The following PKHD1L1 variants were observed in gnomAD, a reference collection of about 807,000 sequenced individuals.
PKHD1L1 encodes fibrocystin-L.
PKHD1L1 carries 434 observed loss-of-function variants against 462.9 expected under a neutral mutation model. The ratio of observed to expected loss-of-function variants is 0.94; its 90% CI spans 0.87 to 1.02. The LOEUF (loss-of-function observed/expected upper bound fraction) is 1.02. Among genes scored for constraint, PKHD1L1 ranks in the 50% least tolerant of loss-of-function variants. The probability of loss-of-function intolerance (pLI) is 0.00; values close to 1 mark genes in which losing one functional copy is unlikely to be tolerated. For missense variants in PKHD1L1, 5,202 were observed against 5,096.1 expected, an observed-to-expected ratio of 1.02 and a Z score of -0.63; for synonymous variants, 1,781 against 1,750.0, an observed-to-expected ratio of 1.02 and a Z score of -0.44.
chr8:109,377,282 C>G (rs1276246306), intron 2 of PKHD1L1, among the ~76,000 whole-genome samples: 1 of 152,102 alleles, frequency 6.6e-6, no homozygotes, highest in African/African-American at 2.4e-5. Context: ...TATTATAGCA[C>G]TATTTGTCAC....
At chr8:109,510,661 G>A in intron 70 of PKHD1L1, 116 bp from the exon 71 acceptor site, 1 of 1,307,846 alleles carries the variant, frequency 7.6e-7, no homozygotes, top group South Asian at 1.5e-5. Flanking sequence ...TATAAATGCT[G>A]AACTTGCATT....
intron 49 of PKHD1L1, among the ~76,000 whole-genome samples, 168 bp downstream of exon 49, chr8:109,465,413 C>T (rs909971815): frequency 3.3e-5 from 5 of 152,154 alleles, no homozygotes; most frequent in Admixed American, 3.3e-4. Flanking sequence ...ATGAGACATT[C>T]GTTTCTGGAA....
intron 24 of PKHD1L1, among the ~76,000 whole-genome samples, chr8:109,425,835 T>G (rs995289095): frequency 1.3e-5 from 2 of 152,136 alleles, no homozygotes; most frequent in Non-Finnish European, 2.9e-5. Context: ...AAAATGTGAC[T>G]AGTGCCACAT....
At chr8:109,462,687 G>A (rs1420695016) in intron 48 of PKHD1L1, among the ~76,000 whole-genome samples, 4 of 152,066 alleles carry the variant, frequency 2.6e-5, no homozygotes, top group Non-Finnish European at 5.9e-5. Context: ...GACTACAGAT[G>A]CATGCCACCA....
chr8:109,501,644 AAAG>A, intron 67 of PKHD1L1, among the ~76,000 whole-genome samples: 1 of 152,166 alleles, frequency 6.6e-6, no homozygotes, highest in Middle Eastern at 3.2e-3. Flanking sequence ...CTAACATTGG[AAAG>A]AAGGTGTCCA....
chr8:109,454,073 T>G, intron 43 of PKHD1L1, 94 bp from the exon 44 acceptor site: 2 of 683,736 alleles, frequency 2.9e-6, no homozygotes, highest in Non-Finnish European at 4.7e-6. Flanking sequence ...AATGTATAAT[T>G]TAATAATTAT....
intron 2 of PKHD1L1, among the ~76,000 whole-genome samples, chr8:109,374,200 A>G (rs1196547474): frequency 6.6e-6 from 1 of 152,180 alleles, no homozygotes; most frequent in East Asian, 1.9e-4. Flanking sequence ...CTGGGCGCAT[A>G]TATATTTAGG....
chr8:109,375,890 G>A (rs909743103), intron 2 of PKHD1L1, among the ~76,000 whole-genome samples: 12 of 152,192 alleles, frequency 7.9e-5, no homozygotes, highest in Non-Finnish European at 1.3e-4. Flanking sequence ...ACCCAGCCAT[G>A]TGAGGTGTCA....
chr8:109,369,978 C>T (rs570335112), intron 2 of PKHD1L1, among the ~76,000 whole-genome samples: 2 of 152,264 alleles, frequency 1.3e-5, no homozygotes, highest in East Asian at 3.9e-4. Flanking sequence ...ATTAAAATCT[C>T]TACCCTTTAT....
intron 73 of PKHD1L1, among the ~76,000 whole-genome samples, chr8:109,518,890 G>C (rs1324229041): frequency 6.6e-6 from 1 of 152,084 alleles, no homozygotes; most frequent in Admixed American, 6.6e-5. Context: ...TGAGAGTTTG[G>C]TGCATTTGAA....
At chr8:109,421,297 T>C (rs1814450272) in intron 23 of PKHD1L1, among the ~76,000 whole-genome samples, 1 of 152,066 alleles carries the variant, frequency 6.6e-6, no homozygotes, top group African/African-American at 2.4e-5. Context: ...TCATTAACCA[T>C]TGTAATTGGA....
In PKHD1L1 at chr8:109,445,298, A is replaced by G. The variant is rs184392221; in HGVS notation, c.5429A>G (p.His1810Arg). 5.6e-6 allele frequency: 9 copies of G among 1,614,002 alleles called. No homozygotes were observed. In the African/African-American group the frequency reaches 1.1e-4, roughly 19 times the overall value. Residue 1810 changes from histidine (H) to arginine (R), a missense_variant, in exon 38 of 78, where the codon CAT becomes CGT. Physicochemically the swap from His to Arg is conservative, Grantham distance 29. Transcript: ENST00000378402. ...GTGACTCCTCTCCCAGTTGGACATC[A>G]TTCTGTTAGTGTTGTGGTGGGAAGT... is the stretch of plus-strand genomic sequence containing the variant. ...ALVTPLPVGH[H>R]SVSVVVGSKG...
At chr8:109,431,021 G>T (rs1815068575) in intron 27 of PKHD1L1, among the ~76,000 whole-genome samples, 1 of 148,582 alleles carries the variant, frequency 6.7e-6, no homozygotes, top group Non-Finnish European at 1.5e-5. Context: ...AGGCTGGAGT[G>T]CAGTAGTGCG....
chr8:109,507,616 T>C (rs752928388), intron 68 of PKHD1L1, 47 bp from the exon 69 acceptor site: 5 of 1,491,436 alleles, frequency 3.4e-6, no homozygotes, highest in Non-Finnish European at 4.7e-6. Context: ...TGTATTCATA[T>C]TGCTCTCTAG....
Position 109,533,565 on chromosome 8 carries a change from T to C in PKHD1L1, c.*3475T>C, listed in dbSNP as rs769503710. On this transcript the variant is annotated 3_prime_UTR_variant, in exon 78 of 78. Transcript: ENST00000378402. ...GTGAGACTGATCAATTTCTGTGCAG[T>C]GGGTTACAAAAACAGACATTATCTC... is the stretch of plus-strand genomic sequence containing the variant. 2.0e-5 allele frequency among the ~76,000 whole-genome samples: 3 copies of C among 152,184 alleles called. No individual in the cohort carries two copies. The highest frequency in any genetic ancestry group is 4.4e-5 in the Non-Finnish European group (3 of 68,028).
In PKHD1L1 at chr8:109,507,617, T is replaced by C. The variant is rs758698225; in HGVS notation, c.10995-46T>C. On this transcript the variant is annotated intron_variant, in intron 68 of 77. Coordinates refer to ENST00000378402, the MANE Select transcript of PKHD1L1 (RefSeq NM_177531.6). The stretch of plus-strand genomic sequence containing the variant: ...AGTAAATATTCAAGTGTATTCATAT[T>C]GCTCTCTAGAAACAATGAACTGAAT... The C allele has an allele frequency of 5.4e-6, 8 of 1,491,808 alleles. No individual in the cohort carries two copies. In the East Asian group the frequency reaches 1.8e-4, roughly 34 times the overall value. 92.4% of individuals were successfully genotyped at this position (1,491,808 alleles called of 1,614,324 possible). A position where few individuals can be genotyped will look rare whatever the true frequency, so the allele number is the denominator to read the frequency against.
In PKHD1L1 at chr8:109,445,489, T is replaced by C; in HGVS notation, c.5620T>C (p.Ser1874Pro). 1 of 1,613,778 alleles carries C rather than the reference T, an allele frequency of 6.2e-7. No individual in the cohort carries two copies. Among genetic ancestry groups the C allele is most frequent in the Non-Finnish European group, 8.5e-7 (1 of 1,179,812 alleles). ...TIGDEPCQII[S>P]INPNEVYCRT... ...TGGGGATGAACCTTGTCAAATTATT[T>C]CCATCAACCCCAATGAAGTCTACTG... The change falls in exon 38 of 78, where the codon TCC (serine) becomes CCC (proline). Residue 1874 changes from serine (S) to proline (P), a missense_variant. Ser to Pro is a moderately conservative substitution (Grantham distance 74, BLOSUM62 -1). This residue lies in a region of PKHD1L1 where 4,497 missense variants were observed against 4,336.8 expected (regional missense o/e 1.04). Transcript: ENST00000378402.
chr8:109,495,201 CCTTGATATATGCT>C lies in PKHD1L1; in HGVS notation c.10327+1455_10327+1467del, dbSNP rs543142952. Among the ~76,000 whole-genome samples the C allele has an allele frequency of 1.4e-4, 22 of 151,980 alleles. No homozygotes were observed. The South Asian group carries it at 4.6e-3, about 32-fold the overall frequency. ...ACTTTGTCAACATATTTAAGTGATT[CCTTGATATATGCT>C]CTTGTTAAATATTTTAGTTCCCAAC... is the stretch of plus-strand genomic sequence containing the variant. On this transcript the variant is annotated intron_variant, in intron 63 of 77. Transcript: ENST00000378402.
In PKHD1L1 at chr8:109,496,910, C is replaced by G; in HGVS notation, c.10328-9C>G. On this transcript the variant is annotated splice_polypyrimidine_tract_variant and intron_variant, in intron 63 of 77. Coordinates refer to ENST00000378402, the MANE Select transcript of PKHD1L1 (RefSeq NM_177531.6). ...GTGTTCATTCTCTGGTTCTATATTT[C>G]CCTCCAAGGCCAGTTTAATCCTGTG... 1 of 1,603,908 alleles carries G rather than the reference C, an allele frequency of 6.2e-7. No homozygotes were observed. Among genetic ancestry groups the G allele is most frequent in the African/African-American group, 1.3e-5 (1 of 74,600 alleles).
Sources: gnomAD v4.1 joint callset for allele counts (sites outside exome capture counted in the v4.1 genomes callset) on GRCh38, gnomAD v4.1.1 for gene constraint, gnomAD v4.1.1 regional missense constraint, MANE v1.5 for transcripts, NCBI Gene and HGNC (gene_info 2026-07-23, HGNC 2026-07-21) for gene names.